PCDH7: variants seen among roughly 807,000 people sequenced by gnomAD.
The protein encoded by PCDH7 is protocadherin-7.
PCDH7 carries 17 observed loss-of-function variants against 58.9 expected under a neutral mutation model. That is an observed-to-expected ratio of 0.29 (90% CI 0.20 to 0.43). The LOEUF (loss-of-function observed/expected upper bound fraction) is 0.43, where lower values mean the gene tolerates loss of function less well. PCDH7 is among the 20% of genes least tolerant of loss of function. The pLI, the probability that PCDH7 is intolerant of heterozygous loss-of-function variation, is 1.00. For missense variants in PCDH7, 1,274 were observed against 1,441.0 expected, an observed-to-expected ratio of 0.88 and a Z score of 1.88; for synonymous variants, 664 against 616.4, an observed-to-expected ratio of 1.08 and a Z score of -1.14.
intron 3 of PCDH7, among the ~76,000 whole-genome samples, chr4:31,056,458 G>GAAAGAAGAAAGA (rs376643176): frequency 4.8e-5 from 4 of 83,156 alleles, no homozygotes; most frequent in Non-Finnish European, 8.8e-5. Flanking sequence ...AAGAAAGAAA[G>GAAAGAAGAAAGA]AAGAAAGAAA....
intron 3 of PCDH7, among the ~76,000 whole-genome samples, chr4:31,054,471 G>C (rs1483156122): frequency 6.6e-6 from 1 of 152,146 alleles, no homozygotes; most frequent in East Asian, 1.9e-4. Context: ...ACCTCTTACA[G>C]TGAGCAAGAA....
At chr4:31,042,926 C>T (rs1237770365) in intron 3 of PCDH7, among the ~76,000 whole-genome samples, 2 of 151,992 alleles carry the variant, frequency 1.3e-5, no homozygotes, top group African/African-American at 2.4e-5. Context: ...TGGTGAGGGG[C>T]CTTTTGCTGG....
At chr4:30,877,177 T>C (rs1273848011) in intron 1 of PCDH7, among the ~76,000 whole-genome samples, 1 of 151,972 alleles carries the variant, frequency 6.6e-6, no homozygotes, top group African/African-American at 2.4e-5. Context: ...GGTTGATGGT[T>C]TGGGGAGTGT....
chr4:30,847,217 C>T (rs1480449000), intron 1 of PCDH7, among the ~76,000 whole-genome samples: 1 of 151,898 alleles, frequency 6.6e-6, no homozygotes, highest in African/African-American at 2.4e-5. Flanking sequence ...AGATTTTGTG[C>T]TTTTACCTCT....
chr4:31,021,173 G>T (rs1355870826), intron 3 of PCDH7, among the ~76,000 whole-genome samples: 4 of 152,096 alleles, frequency 2.6e-5, no homozygotes, highest in Non-Finnish European at 5.9e-5. Context: ...TTAAGTCATG[G>T]GATAAGGGTC....
chr4:31,042,375 A>G (rs559953979), intron 3 of PCDH7, among the ~76,000 whole-genome samples: 1 of 152,244 alleles, frequency 6.6e-6, no homozygotes, highest in South Asian at 2.1e-4. Context: ...TGATCTTTGC[A>G]TGCTGTATTA....
intron 3 of PCDH7, among the ~76,000 whole-genome samples, chr4:31,032,673 AGGGAGGGAGGGAGGG>A: frequency 1.4e-5 from 1 of 70,094 alleles, no homozygotes; most frequent in African/African-American, 5.9e-5. Flanking sequence ...GAAGGAAGGG[AGGGAGGGAGGGAGGG>A]AGGGAGGGAG....
chr4:30,944,747 T>C (rs1420351287), intron 2 of PCDH7, among the ~76,000 whole-genome samples: 2 of 152,164 alleles, frequency 1.3e-5, no homozygotes, highest in Non-Finnish European at 2.9e-5. Context: ...ACTTAGAATA[T>C]TCATTATGTC....
intron 3 of PCDH7, among the ~76,000 whole-genome samples, chr4:31,074,099 C>A (rs1021505477): frequency 2.6e-5 from 4 of 151,932 alleles, no homozygotes; most frequent in African/African-American, 9.7e-5. Context: ...CGCCCAGTGT[C>A]ACCACACTAT....
At position 30,780,425 on chromosome 4, in the gene PCDH7, T is replaced by G. The variant is rs188652538; in HGVS notation, c.70+55829T>G. On this transcript the variant is annotated intron_variant, in intron 1 of 3. Coordinates refer to the PCDH7 transcript ENST00000509759. ...AGGAGACTGAGGCAGGAGAATCGCT[T>G]GAACCCAGAAGACAGAAGTTGCAGT... 3.6e-3 allele frequency among the ~76,000 whole-genome samples: 539 copies of G among 151,738 alleles called. 5 individuals carry two copies. The highest frequency in any genetic ancestry group is 0.012 in the African/African-American group (503 of 41,352).
At chr4:31,134,562 C>A (rs1009060301) in intron 3 of PCDH7, among the ~76,000 whole-genome samples, 1 of 152,174 alleles carries the variant, frequency 6.6e-6, no homozygotes, top group African/African-American at 2.4e-5. Flanking sequence ...CATAATATAT[C>A]TATGATCATT....
chr4:30,763,246 A>G (rs1243814256), intron 1 of PCDH7, among the ~76,000 whole-genome samples: 1 of 152,154 alleles, frequency 6.6e-6, no homozygotes, highest in African/African-American at 2.4e-5. Flanking sequence ...ATAAATAAAT[A>G]TATTTAGCCT....
At chr4:31,080,298 A>G (rs571171249) in intron 3 of PCDH7, among the ~76,000 whole-genome samples, 1 of 152,076 alleles carries the variant, frequency 6.6e-6, no homozygotes, top group African/African-American at 2.4e-5. Flanking sequence ...TTTAACTAGC[A>G]TATCTATTCC....
downstream of PCDH7, among the ~76,000 whole-genome samples, chr4:30,734,566 G>A (rs1365806262): frequency 6.6e-6 from 1 of 152,150 alleles, no homozygotes; most frequent in Non-Finnish European, 1.5e-5. Flanking sequence ...CACACTGAAA[G>A]GCTTTGGAGT....
chr4:30,846,056 G>A (rs2109342338), intron 1 of PCDH7, among the ~76,000 whole-genome samples: 1 of 152,244 alleles, frequency 6.6e-6, no homozygotes, highest in South Asian at 2.1e-4. Flanking sequence ...CTAATGAGCA[G>A]CTACACTATT....
At chr4:30,891,458 T>C (rs1560473505) in intron 1 of PCDH7, among the ~76,000 whole-genome samples, 1 of 152,026 alleles carries the variant, frequency 6.6e-6, no homozygotes, top group Non-Finnish European at 1.5e-5. Flanking sequence ...TATATAAATA[T>C]GTAGAATAAT....
intron 1 of PCDH7, among the ~76,000 whole-genome samples, chr4:30,804,349 G>A (rs866521022): frequency 4.6e-5 from 7 of 152,028 alleles, no homozygotes; most frequent in Non-Finnish European, 1.0e-4. Flanking sequence ...GACCAGCCTG[G>A]TCAATATGGT....
intron 3 of PCDH7, among the ~76,000 whole-genome samples, chr4:31,007,726 C>T (rs1282434868): frequency 6.6e-6 from 1 of 150,566 alleles, no homozygotes; most frequent in Non-Finnish European, 1.5e-5. Flanking sequence ...AATTGTGTGC[C>T]GTATGTGGTA....
chr4:30,735,142 C>A (rs760596669), downstream of PCDH7, among the ~76,000 whole-genome samples: 3 of 152,084 alleles, frequency 2.0e-5, no homozygotes, highest in Non-Finnish European at 4.4e-5. Flanking sequence ...GTATGAAGAA[C>A]AATCACAAAA....
Sources: allele counts gnomAD v4.1 joint callset (sites outside exome capture counted in the v4.1 genomes callset), GRCh38; gene constraint gnomAD v4.1.1; transcripts MANE v1.5; gene names NCBI Gene and HGNC (gene_info 2026-07-23, HGNC 2026-07-21).